Variants in EPHA6 observed in about 807,000 individuals in gnomAD.
The protein encoded by EPHA6 is ephrin type-A receptor 6.
A neutral mutation model predicts 112.0 loss-of-function variants in EPHA6; 50 were observed. The observed-to-expected ratio is 0.45, with a 90% CI of 0.36 to 0.56. EPHA6 has a LOEUF of 0.56. Ranked by LOEUF, EPHA6 falls within the 20% of genes least tolerant of loss-of-function variation. EPHA6 has a pLI of 0.00. For synonymous variants in EPHA6, 529 were observed against 490.7 expected (o/e 1.08, Z -1.03); for missense variants, 1,280 against 1,417.4 (o/e 0.90, Z 1.56).
intron 9 of EPHA6, chr3:97,481,330 T>G (rs2091536878): frequency 1.3e-6 from 2 of 1,557,578 alleles, no homozygotes; most frequent in South Asian, 1.1e-5. Flanking sequence ...TGTAGAGATG[T>G]TTCACTTGTG....
intron 3 of EPHA6, among the ~76,000 whole-genome samples, chr3:97,005,705 G>A (rs901400074): frequency 2.0e-5 from 3 of 152,100 alleles, no homozygotes; most frequent in Non-Finnish European, 2.9e-5. Flanking sequence ...AGTTTTCAAA[G>A]GGAATGCTTC....
chr3:97,450,104 G>C (rs1184744191), intron 7 of EPHA6, among the ~76,000 whole-genome samples: 1 of 152,038 alleles, frequency 6.6e-6, no homozygotes, highest in Admixed American at 6.6e-5. Flanking sequence ...ATTTCTGGTG[G>C]AGACTATTGA....
intron 9 of EPHA6, chr3:97,481,248 G>A (rs543210040): frequency 1.4e-6 from 2 of 1,430,326 alleles, no homozygotes; most frequent in Non-Finnish European, 2.0e-6. Flanking sequence ...TTTAGATCAC[G>A]TACATAACCA....
rs965837655 is a variant in EPHA6, at chr3:96,997,137, A to T, written c.1114+9144A>T. 3.3e-5 allele frequency among the ~76,000 whole-genome samples: 5 copies of T among 152,100 alleles called. No homozygotes were observed. The East Asian group carries it at 9.7e-4, about 29-fold the overall frequency. ...AGCTTCCTCCCCTCACTCAGCCTTCATGGAATTTTTAATTCCATGTTAGGG... is the reference window on the plus strand; with the variant it reads ...AGCTTCCTCCCCTCACTCAGCCTTCTTGGAATTTTTAATTCCATGTTAGGG... On this transcript the variant is annotated intron_variant, in intron 3 of 17. Coordinates refer to ENST00000389672, the MANE Select transcript of EPHA6 (RefSeq NM_001080448.3).
intron 3 of EPHA6, among the ~76,000 whole-genome samples, chr3:97,045,056 T>G (rs2045456133): frequency 6.6e-6 from 1 of 152,118 alleles, no homozygotes; most frequent in African/African-American, 2.4e-5. Context: ...TGATTTATTT[T>G]AATATCTGGT....
At chr3:97,735,048 C>T (rs1440994670) in intron 15 of EPHA6, among the ~76,000 whole-genome samples, 4 of 151,928 alleles carry the variant, frequency 2.6e-5, no homozygotes, top group Admixed American at 6.6e-5. Context: ...ATACATTTCC[C>T]GAGAGCTGCA....
chr3:97,353,574 T>C (rs1343428567), intron 5 of EPHA6, among the ~76,000 whole-genome samples: 1 of 152,094 alleles, frequency 6.6e-6, no homozygotes, highest in Non-Finnish European at 1.5e-5. Flanking sequence ...AAGAAGTTTT[T>C]CTTGGGGCTT....
intron 9 of EPHA6, among the ~76,000 whole-genome samples, chr3:97,482,214 T>TA (rs1278782388): frequency 1.3e-5 from 2 of 152,218 alleles, no homozygotes; most frequent in Non-Finnish European, 2.9e-5. Context: ...GTTTAATAGT[T>TA]AAAACCACAT....
intron 2 of EPHA6, among the ~76,000 whole-genome samples, chr3:96,891,243 T>C (rs918849479): frequency 1.3e-5 from 2 of 152,098 alleles, no homozygotes; most frequent in Admixed American, 1.3e-4. Flanking sequence ...ATAAAAATAC[T>C]ATAAAGCAAA....
At chr3:97,311,817 CAA>C (rs147649800) in intron 5 of EPHA6, among the ~76,000 whole-genome samples, 1 of 151,304 alleles carries the variant, frequency 6.6e-6, no homozygotes, top group African/African-American at 2.4e-5. Flanking sequence ...CAAAACAAAA[CAA>C]AATATATTGT....
At chr3:97,385,336 G>A (rs1316524925) in intron 5 of EPHA6, among the ~76,000 whole-genome samples, 1 of 152,048 alleles carries the variant, frequency 6.6e-6, no homozygotes, top group African/African-American at 2.4e-5. Flanking sequence ...ACCTTCTTCA[G>A]AAATTCTAAC....
intron 12 of EPHA6, among the ~76,000 whole-genome samples, chr3:97,596,902 A>G (rs192810276): frequency 1.3e-3 from 149 of 114,316 alleles, no homozygotes; most frequent in Middle Eastern, 5.3e-3. Flanking sequence ...ATATATATAT[A>G]TATGTATGTA....
In EPHA6 at chr3:97,734,677, T is replaced by C. The variant is rs962558376; in HGVS notation, c.2935-1248T>C. 2.0e-5 allele frequency among the ~76,000 whole-genome samples: 3 copies of C among 152,208 alleles called. No individual in the cohort carries two copies. The South Asian group carries it at 6.2e-4, about 31-fold the overall frequency. ...TAGTCATGTCCAATAGTGTAAATTT[T>C]AAAATAAATCAAATTGCATTTTTAT... On this transcript the variant is annotated intron_variant, in intron 15 of 17. Coordinates refer to ENST00000389672, the MANE Select transcript of EPHA6 (RefSeq NM_001080448.3).
intron 10 of EPHA6, among the ~76,000 whole-genome samples, chr3:97,507,891 G>A (rs975586848): frequency 6.6e-6 from 1 of 151,828 alleles, no homozygotes; most frequent in African/African-American, 2.4e-5. Context: ...AGCCTTGGGA[G>A]GGTGTACGTG....
At chr3:97,722,326 G>A (rs1347526895) in intron 15 of EPHA6, among the ~76,000 whole-genome samples, 1 of 152,092 alleles carries the variant, frequency 6.6e-6, no homozygotes, top group East Asian at 1.9e-4. Context: ...TAGGAACTAG[G>A]CTTTCACCAG....
intron 3 of EPHA6, among the ~76,000 whole-genome samples, chr3:97,048,222 G>A (rs2045575369): frequency 6.6e-6 from 1 of 152,164 alleles, no homozygotes; most frequent in Admixed American, 6.5e-5. Context: ...TGAATCTTTT[G>A]AGAGAATTAT....
chr3:97,448,956 C>T (rs1270250958), intron 7 of EPHA6, among the ~76,000 whole-genome samples: 1 of 152,020 alleles, frequency 6.6e-6, no homozygotes, highest in Non-Finnish European at 1.5e-5. Flanking sequence ...AAATGTGGCC[C>T]TTTATGCTAT....
chr3:97,371,088 T>C (rs1432418297), intron 5 of EPHA6, among the ~76,000 whole-genome samples: 1 of 10,452 alleles, frequency 9.6e-5, no homozygotes, highest in Non-Finnish European at 5.1e-3. Flanking sequence ...AAGATCCACT[T>C]TTTTTTTTTT....
intron 14 of EPHA6, among the ~76,000 whole-genome samples, chr3:97,690,995 T>C (rs777624770): frequency 5.9e-5 from 9 of 152,350 alleles, no homozygotes; most frequent in Non-Finnish European, 1.2e-4. Context: ...TGGTGTTGTG[T>C]CTAAGAAACA....
Sources: allele counts gnomAD v4.1 joint callset (sites outside exome capture counted in the v4.1 genomes callset), GRCh38; gene constraint gnomAD v4.1.1; transcripts MANE v1.5; gene names NCBI Gene and HGNC (gene_info 2026-07-23, HGNC 2026-07-21).